ABLIM2: variants seen among roughly 807,000 people sequenced by gnomAD.
The protein encoded by ABLIM2 is actin-binding LIM protein 2.
ABLIM2 carries 53 observed loss-of-function variants against 97.7 expected under a neutral mutation model. The observed-to-expected ratio is 0.54, with a 90% CI of 0.44 to 0.68. The LOEUF (loss-of-function observed/expected upper bound fraction) is 0.68, where lower values mean the gene tolerates loss of function less well. ABLIM2 is among the 30% of genes least tolerant of loss of function. The probability of loss-of-function intolerance (pLI) is 0.00; values close to 1 mark genes in which losing one functional copy is unlikely to be tolerated. For synonymous variants in ABLIM2, 361 were observed against 345.8 expected (o/e 1.04, Z -0.49); for missense variants, 835 against 867.2 (o/e 0.96, Z 0.47).
intron 16 of ABLIM2, 187 bp downstream of exon 16, chr4:8,007,872 T>C: frequency 7.1e-7 from 1 of 1,401,256 alleles, no homozygotes; most frequent in South Asian, 1.7e-5. Context: ...GGGACAGTTC[T>C]TGGGAAGCCG....
rs770605355 is a variant in ABLIM2 at position 8,125,294 on chromosome 4, C to T, written c.11-18657G>A. On this transcript the variant is annotated intron_variant, in intron 1 of 20. Transcript: ENST00000447017. This position sits in a 1 kb window ranked among gnomAD's most constrained non-coding sequence, Gnocchi z 6.2. ...TCTAAGAAACCATCGCCTGATCCAC[C>T]GTCATGAAGATGCGCTTCTGAGTGT... 3.9e-5 allele frequency among the ~76,000 whole-genome samples: 6 copies of T among 152,190 alleles called. No individual in the cohort carries two copies. The highest frequency in any genetic ancestry group is 1.9e-4 in the East Asian group (1 of 5,202).
chr4:8,074,274 CA>C (rs896689256), intron 6 of ABLIM2, among the ~76,000 whole-genome samples: 4 of 151,990 alleles, frequency 2.6e-5, no homozygotes, highest in African/African-American at 4.8e-5. Flanking sequence ...GGCAATACAG[CA>C]AGATCCCTGT....
At chr4:8,073,888 G>C (rs1425176548) in intron 6 of ABLIM2, among the ~76,000 whole-genome samples, 1 of 151,844 alleles carries the variant, frequency 6.6e-6, no homozygotes, top group East Asian at 1.9e-4. Context: ...GGGAGTTCGA[G>C]ACCAGCCTGC....
At chr4:8,084,975 T>TGG (rs1182533276) in intron 4 of ABLIM2, among the ~76,000 whole-genome samples, 1 of 152,086 alleles carries the variant, frequency 6.6e-6, no homozygotes, top group Non-Finnish European at 1.5e-5. Context: ...ACTGGAGAGC[T>TGG]GGGGGCCTCA....
Position 7,967,107 on chromosome 4 carries a change from C to G in ABLIM2, c.1825-4G>C. ...ACTCCTCGGGCGACAAGTGTCTCTT[C>G]AAACAAAAAGGCAAAACAGAAGGGA... On this transcript the variant is annotated splice_polypyrimidine_tract_variant and splice_region_variant and intron_variant, in intron 20 of 20. Transcript: ENST00000447017. The G allele has an allele frequency of 6.2e-7, 1 of 1,612,980 alleles. No individual in the cohort carries two copies. The highest frequency in any genetic ancestry group is 1.1e-5 in the South Asian group (1 of 91,052).
intron 2 of ABLIM2, among the ~76,000 whole-genome samples, chr4:8,102,843 G>A (rs993411820): frequency 2.6e-5 from 4 of 152,218 alleles, no homozygotes; most frequent in African/African-American, 9.6e-5. Context: ...AGTCAGCCAC[G>A]AGCCCCCCGT....
intron 1 of ABLIM2, among the ~76,000 whole-genome samples, chr4:8,153,523 G>A (rs975389626): frequency 6.6e-6 from 1 of 150,854 alleles, no homozygotes; most frequent in Non-Finnish European, 1.5e-5. Context: ...TTCTGGGTCA[G>A]GGGGGTCTGG....
rs867459484 is a variant in ABLIM2, at chr4:8,082,950, C to G, written c.455-2148G>C. Among the ~76,000 whole-genome samples the G allele has an allele frequency of 6.6e-6, 1 of 152,218 alleles. No individual in the cohort carries two copies. The highest frequency in any genetic ancestry group is 6.5e-5 in the Admixed American group (1 of 15,278). ...TTTGCAAAGCTCTGCATCAGTGGCT[C>G]TCAACTTGGGGCACTTTTGCCCAAG... On this transcript the variant is annotated intron_variant, in intron 4 of 20. Coordinates refer to ENST00000447017, the MANE Select transcript of ABLIM2 (RefSeq NM_001130083.2). This position sits in a 1 kb window ranked among gnomAD's most constrained non-coding sequence, Gnocchi z 5.6.
intron 20 of ABLIM2, among the ~76,000 whole-genome samples, chr4:7,976,171 T>G (rs191718329): frequency 1.6e-3 from 243 of 152,368 alleles, no homozygotes; most frequent in African/African-American, 5.6e-3. Context: ...AGTGACTGGC[T>G]GCTGCTCATG....
At position 8,120,206 on chromosome 4, in the gene ABLIM2, G is replaced by A. The variant is rs182653607; in HGVS notation, c.11-13569C>T. Reference sequence around the variant, plus strand: ...AGAGGACGTGGCAGGAAGCAAGAGCGGTGCCAGCGGGGAGCTCGAGCCATC... The same window carrying A: ...AGAGGACGTGGCAGGAAGCAAGAGCAGTGCCAGCGGGGAGCTCGAGCCATC... On this transcript the variant is annotated intron_variant, in intron 1 of 20. Transcript: ENST00000447017. This position sits in a 1 kb window ranked among gnomAD's most constrained non-coding sequence, Gnocchi z 5.6. Among the ~76,000 whole-genome samples, 191 of 152,282 alleles carry A rather than the reference G, an allele frequency of 1.3e-3. No homozygotes were observed. The highest frequency in any genetic ancestry group is 4.5e-3 in the African/African-American group (186 of 41,574).
In ABLIM2 at chr4:8,033,689, C is replaced by T. The variant is rs1336436323; in HGVS notation, c.1047+2460G>A. On this transcript the variant is annotated intron_variant, in intron 10 of 20. Transcript: ENST00000447017. This position sits in a 1 kb window ranked among gnomAD's most constrained non-coding sequence, Gnocchi z 4.5. ...CACAGTCCCTCCCTTCCTGCCCCTT[C>T]TCTGCCCTCTGGGGACAGGTCCTGG... 6.6e-6 allele frequency among the ~76,000 whole-genome samples: 1 copy of T among 152,260 alleles called. No individual in the cohort carries two copies. Among genetic ancestry groups the T allele is most frequent in the Non-Finnish European group, 1.5e-5 (1 of 68,042 alleles).
At chr4:7,984,067 C>T (rs552347584) in intron 18 of ABLIM2, among the ~76,000 whole-genome samples, 2 of 152,344 alleles carry the variant, frequency 1.3e-5, no homozygotes, top group East Asian at 3.9e-4. Flanking sequence ...AGCGTCTTAT[C>T]ACGAAAATGA....
chr4:8,045,338 G>A (rs1301483729), intron 8 of ABLIM2, 97 bp from the exon 9 acceptor site: 18 of 1,109,828 alleles, frequency 1.6e-5, no homozygotes, highest in Admixed American at 1.0e-4. Context: ...CCACGCCAGC[G>A]CACTGCGGTG....
At chr4:8,027,996 G>A (rs752549524) in intron 11 of ABLIM2, 139 bp from the exon 12 acceptor site, 2 of 585,416 alleles carry the variant, frequency 3.4e-6, no homozygotes, top group Non-Finnish European at 5.6e-6. Context: ...CCTGAAGGTG[G>A]TCACCAAACA....
At position 7,981,913 on chromosome 4, in the gene ABLIM2, A is replaced by G. The variant is rs1738798963; in HGVS notation, c.1824+1351T>C. On this transcript the variant is annotated intron_variant, in intron 20 of 20. Coordinates refer to ENST00000447017, the MANE Select transcript of ABLIM2 (RefSeq NM_001130083.2). ...AAGGACGTACTTCCTATCTGGGGAC[A>G]CAGCCTGTAGCACCTGCTCCCTGCC... Among the ~76,000 whole-genome samples, 3 of 152,176 alleles carry G rather than the reference A, an allele frequency of 2.0e-5. No homozygotes were observed. In the South Asian group the frequency reaches 6.2e-4, roughly 31 times the overall value.
At position 7,985,429 on chromosome 4, in the gene ABLIM2, G is replaced by T. The variant is rs138067620; in HGVS notation, c.1681-536C>A. On this transcript the variant is annotated intron_variant, in intron 17 of 20. Transcript: ENST00000447017. ...TGTTCCCTGCAAGATGGCCAAGGGG[G>T]AAGACTGGCTGCCGTCTTCTGGCAC... Among the ~76,000 whole-genome samples the T allele has an allele frequency of 3.8e-3, 578 of 152,258 alleles. 4 individuals carry two copies. The highest frequency in any genetic ancestry group is 0.013 in the African/African-American group (541 of 41,560).
Position 8,095,060 on chromosome 4 carries a change from CTCTT to C in ABLIM2, c.338+2035_338+2038del, listed in dbSNP as rs1243381928. 9.9e-4 allele frequency among the ~76,000 whole-genome samples: 128 copies of C among 129,688 alleles called. No individual in the cohort carries two copies. The highest frequency in any genetic ancestry group is 4.0e-3 in the Admixed American group (48 of 11,954). The allele number at this position is 129,688 out of a possible 152,430, so 85.1% of individuals were successfully genotyped here. On this transcript the variant is annotated intron_variant, in intron 3 of 20. Transcript: ENST00000447017. The surrounding 1 kb of genome is among the most constrained non-coding windows in gnomAD (Gnocchi z 4.7). ...TCCTTCCTTCCTTCTTTCTTTCTTT[CTCTT>C]TCTTTCTTTCTCTCTCTCTCTCTTT...
At position 7,996,001 on chromosome 4, in the gene ABLIM2, C is replaced by T. The variant is rs149794701; in HGVS notation, c.1619-3074G>A. On this transcript the variant is annotated intron_variant, in intron 16 of 20. Coordinates refer to ENST00000447017, the MANE Select transcript of ABLIM2 (RefSeq NM_001130083.2). This position sits in a 1 kb window ranked among gnomAD's most constrained non-coding sequence, Gnocchi z 4.5. ...ATGCCAGACAAGGCCTCCTGCCTTG[C>T]AGTCCTGGGGTCCTCCAGGAGACAC... Among the ~76,000 whole-genome samples the T allele has an allele frequency of 3.5e-3, 535 of 152,254 alleles. 6 individuals carry two copies. The highest frequency in any genetic ancestry group is 6.0e-3 in the East Asian group (31 of 5,156).
intron 1 of ABLIM2, among the ~76,000 whole-genome samples, chr4:8,117,532 TCTA>T (rs1468273586): frequency 2.7e-5 from 4 of 148,662 alleles, no homozygotes; most frequent in East Asian, 4.0e-4. Flanking sequence ...CACCACAGGC[TCTA>T]CTAAGACTCC....
Sources: allele counts gnomAD v4.1 joint callset (sites outside exome capture counted in the v4.1 genomes callset), GRCh38; gene constraint gnomAD v4.1.1; non-coding constraint Gnocchi (gnomAD v3.1); transcripts MANE v1.5; gene names NCBI Gene and HGNC (gene_info 2026-07-23, HGNC 2026-07-21).